FAM193A: variants seen among roughly 807,000 people sequenced by gnomAD.
FAM193A encodes the protein family with sequence similarity 193 member A, also known as protein FAM193A.
FAM193A carries 22 observed loss-of-function variants against 126.5 expected under a neutral mutation model. The ratio of observed to expected loss-of-function variants is 0.17; its 90% CI spans 0.12 to 0.25. The LOEUF is 0.25. Among genes scored for constraint, FAM193A ranks in the 10% least tolerant of loss-of-function variants. The pLI is 1.00. For synonymous variants in FAM193A, 761 were observed against 646.8 expected (o/e 1.18, Z -2.68); for missense variants, 1,675 against 1,672.8 (o/e 1.00, Z -0.02).
At chr4:2,693,440 T>C in intron 15 of FAM193A, 146 bp from the exon 16 acceptor site, 1 of 819,560 alleles carries the variant, frequency 1.2e-6, no homozygotes, top group Non-Finnish European at 1.9e-6. Context: ...AGAAATAAAG[T>C]TTATAAATAT....
At chr4:2,634,229 C>T (rs1743878964) in intron 5 of FAM193A, among the ~76,000 whole-genome samples, 2 of 152,168 alleles carry the variant, frequency 1.3e-5, no homozygotes, top group African/African-American at 4.8e-5. Flanking sequence ...TAGCTGTCAG[C>T]CAGCTGCCAC....
intron 6 of FAM193A, among the ~76,000 whole-genome samples, chr4:2,641,970 C>T (rs1744670617): frequency 6.6e-6 from 1 of 151,400 alleles, no homozygotes; most frequent in African/African-American, 2.4e-5. Flanking sequence ...GGTGCGGTGG[C>T]TCATGCCTGT....
intron 1 of FAM193A, among the ~76,000 whole-genome samples, chr4:2,590,968 A>G (rs1740536968): frequency 6.6e-6 from 1 of 151,770 alleles, no homozygotes; most frequent in Non-Finnish European, 1.5e-5. Context: ...TGGAGGTTGC[A>G]CTGAGCCGAG....
upstream of FAM193A, among the ~76,000 whole-genome samples, chr4:2,536,115 G>A (rs1736856740): frequency 6.6e-6 from 1 of 151,692 alleles, no homozygotes; most frequent in Non-Finnish European, 1.5e-5. Context: ...GTGCATCCCG[G>A]GAGCCGCGCC....
intron 10 of FAM193A, among the ~76,000 whole-genome samples, chr4:2,661,268 C>T (rs1409019766): frequency 6.6e-6 from 1 of 152,158 alleles, no homozygotes; most frequent in Non-Finnish European, 1.5e-5. Flanking sequence ...TTGAAAATCT[C>T]CAGTGTTATC....
At position 2,699,770 on chromosome 4, in the gene FAM193A, G is replaced by A. The variant is rs1717486222; in HGVS notation, c.3598G>A (p.Asp1200Asn). ...EEQRRREEEE[D>N]EEEEEDRFKE... is the part of the protein sequence containing the mutation. ...GCAGAGGCGGCGGGAGGAGGAGGAGGATGAGGAAGAAGAGGAGGATCGTTT... is the reference window on the plus strand; with the variant it reads ...GCAGAGGCGGCGGGAGGAGGAGGAGAATGAGGAAGAAGAGGAGGATCGTTT... The change falls in exon 19 of 21, where the codon GAT becomes AAT. Residue 1200 changes from aspartate (D) to asparagine (N), a missense_variant. Physicochemically the swap from Asp to Asn is conservative, Grantham distance 23. Around this residue, in one of 4 missense-constraint regions of FAM193A, gnomAD observed 415 missense variants for 396.7 expected, o/e 1.05. Transcript: ENST00000637812. The A allele has an allele frequency of 6.2e-7, 1 of 1,613,908 alleles. No homozygotes were observed. The highest frequency in any genetic ancestry group is 8.5e-7 in the Non-Finnish European group (1 of 1,179,920).
At chr4:2,620,968 G>T (rs1166734274) in intron 2 of FAM193A, among the ~76,000 whole-genome samples, 1 of 152,076 alleles carries the variant, frequency 6.6e-6, no homozygotes, top group Non-Finnish European at 1.5e-5. Context: ...TTAGGGAGGG[G>T]ACTCAAGAAA....
intron 1 of FAM193A, among the ~76,000 whole-genome samples, chr4:2,551,265 G>A (rs1737902816): frequency 6.6e-6 from 1 of 152,132 alleles, no homozygotes; most frequent in Non-Finnish European, 1.5e-5. Context: ...AAGTCTTTTG[G>A]ATTTCAGATA....
rs889726091 is a variant in FAM193A, at chr4:2,696,658, G to A, written c.3507+65G>A. On this transcript the variant is annotated intron_variant, in intron 18 of 20. Transcript: ENST00000637812. ...AGGGCATTTGAAGGTGCCGTGCCAC[G>A]CCAGTCTCTAGGCAGGGCTGAGCCA... 1.3e-5 allele frequency: 17 copies of A among 1,294,274 alleles called. No individual in the cohort carries two copies. In the East Asian group the frequency reaches 1.7e-4, roughly 13 times the overall value. 80.2% of individuals were successfully genotyped at this position (1,294,274 alleles called of 1,614,324 possible).
In FAM193A at chr4:2,568,096, C is replaced by T. The variant is rs151234495; in HGVS notation, c.256-27988C>T. ...GCTTGATGCCGCCTTTTCTATTCCA[C>T]TTACCTTCCAACCACAGCAGCAACT... On this transcript the variant is annotated intron_variant, in intron 1 of 20. Coordinates refer to ENST00000637812, the MANE Select transcript of FAM193A (RefSeq NM_001366318.2). 3.0e-3 allele frequency among the ~76,000 whole-genome samples: 450 copies of T among 152,318 alleles called. 1 individual carries two copies. Among genetic ancestry groups the T allele is most frequent in the African/African-American group, 0.01 (425 of 41,574 alleles).
intron 20 of FAM193A, among the ~76,000 whole-genome samples, chr4:2,721,534 T>C (rs918367425): frequency 6.6e-6 from 1 of 152,112 alleles, no homozygotes; most frequent in Non-Finnish European, 1.5e-5. Context: ...ACAGCAAGCT[T>C]TTGACCACTA....
intron 2 of FAM193A, among the ~76,000 whole-genome samples, chr4:2,602,273 C>G (rs1741243618): frequency 6.6e-6 from 1 of 150,990 alleles, no homozygotes; most frequent in Admixed American, 6.6e-5. Context: ...TCCTCTGGCT[C>G]TCTCTCTTTA....
intron 16 of FAM193A, among the ~76,000 whole-genome samples, chr4:2,694,534 T>C (rs1716811370): frequency 6.6e-6 from 1 of 152,164 alleles, no homozygotes; most frequent in Admixed American, 6.5e-5. Flanking sequence ...CCCAGAGTGC[T>C]GGGAGTACAG....
chr4:2,658,885 G>A lies in FAM193A; in HGVS notation c.1390-673G>A, dbSNP rs576406897. Among the ~76,000 whole-genome samples the A allele has an allele frequency of 1.1e-3, 162 of 152,226 alleles. 1 individual carries two copies. The highest frequency in any genetic ancestry group is 6.8e-3 in the Middle Eastern group (2 of 294). ...CGTGTCTCAGCCTCCTGAGTAGCTG[G>A]GATTACAGGTGCCAGCCACCACGCC... On this transcript the variant is annotated intron_variant, in intron 8 of 20. Transcript: ENST00000637812.
intron 2 of FAM193A, among the ~76,000 whole-genome samples, chr4:2,623,980 C>T (rs1444067619): frequency 2.6e-5 from 4 of 152,116 alleles, no homozygotes; most frequent in Non-Finnish European, 5.9e-5. Flanking sequence ...TGGGCACCCT[C>T]AGCTCTGAGA....
intron 2 of FAM193A, among the ~76,000 whole-genome samples, chr4:2,621,457 G>A (rs573461910): frequency 6.6e-6 from 1 of 152,286 alleles, no homozygotes; most frequent in African/African-American, 2.4e-5. Flanking sequence ...GGGAGCAAGG[G>A]CAGTGACTTA....
intron 1 of FAM193A, among the ~76,000 whole-genome samples, chr4:2,552,966 G>T (rs565800253): frequency 1.2e-4 from 18 of 149,518 alleles, no homozygotes; most frequent in African/African-American, 4.5e-4. Context: ...TCTTGCCTCA[G>T]TCTCTTAAGT....
At chr4:2,586,450 G>T (rs918082010) in intron 1 of FAM193A, among the ~76,000 whole-genome samples, 1 of 151,662 alleles carries the variant, frequency 6.6e-6, no homozygotes, top group Non-Finnish European at 1.5e-5. Context: ...CCCCGGTTTG[G>T]GTATCTAGTT....
At chr4:2,572,864 C>A (rs1577024172) in intron 1 of FAM193A, among the ~76,000 whole-genome samples, 1 of 146,656 alleles carries the variant, frequency 6.8e-6, no homozygotes, top group East Asian at 2.0e-4. Context: ...GAAGGCTTTT[C>A]TGTAATCCAG....
Sources: allele counts gnomAD v4.1 joint callset (sites outside exome capture counted in the v4.1 genomes callset), GRCh38; gene constraint gnomAD v4.1.1; regional missense constraint gnomAD v4.1.1; transcripts MANE v1.5; gene names NCBI Gene and HGNC (gene_info 2026-07-23, HGNC 2026-07-21).